The following GSK3A variants were observed in gnomAD, a reference collection of about 807,000 sequenced individuals.
The protein encoded by GSK3A is glycogen synthase kinase 3 alpha.
A neutral mutation model predicts 56.6 loss-of-function variants in GSK3A; 14 were observed. The ratio of observed to expected loss-of-function variants is 0.25; its 90% CI spans 0.16 to 0.39. The LOEUF (loss-of-function observed/expected upper bound fraction) is 0.39, where lower values mean the gene tolerates loss of function less well. GSK3A is among the 10% of genes least tolerant of loss of function. GSK3A has a pLI of 1.00. For missense variants in GSK3A, 450 were observed against 656.0 expected, an observed-to-expected ratio of 0.69 and a Z score of 3.43; for synonymous variants, 301 against 285.0, an observed-to-expected ratio of 1.06 and a Z score of -0.56.
chr19:42,242,437 C>G lies in GSK3A; in HGVS notation c.29G>C (p.Gly10Ala). ...CCGCGCCCTGCCCGAGCCCCCAGGG[C>G]CGCCTCCCGAAGGCCCGCCGCCGCT... MSGGGPSGG[G>A]PGGSGRARTS... The change falls in exon 1 of 11, where the codon GGC becomes GCC. Residue 10 changes from glycine (G) to alanine (A), a missense_variant. Gly to Ala is a moderately conservative substitution (Grantham distance 60). Coordinates refer to ENST00000222330, the MANE Select transcript of GSK3A (RefSeq NM_019884.3). 1 of 1,288,778 alleles carries G rather than the reference C, an allele frequency of 7.8e-7. No homozygotes were observed. The highest frequency in any genetic ancestry group is 9.8e-7 in the Non-Finnish European group (1 of 1,017,288). The allele number at this position is 1,288,778 out of a possible 1,614,324, so 79.8% of individuals were successfully genotyped here.
chr19:42,238,807 CAA>C (rs112368825), intron 2 of GSK3A, among the ~76,000 whole-genome samples: 1 of 139,014 alleles, frequency 7.2e-6, no homozygotes, highest in Non-Finnish European at 1.6e-5. Context: ...ACTAAAAATA[CAA>C]AAAAAAAAAA....
At chr19:42,235,857 G>A (rs11882606) in intron 4 of GSK3A, among the ~76,000 whole-genome samples, 3,218 of 152,242 alleles carry the variant, frequency 0.021, 114 homozygotes, top group African/African-American at 0.072. Context: ...GGACAGATTC[G>A]CCAAACCAGA....
chr19:42,238,961 T>G (rs1039043671), intron 2 of GSK3A, among the ~76,000 whole-genome samples: 1 of 150,326 alleles, frequency 6.7e-6, no homozygotes, highest in Non-Finnish European at 1.5e-5. Flanking sequence ...AGAGTAAGAC[T>G]CCATCTCAAA....
In GSK3A at chr19:42,232,135, G is replaced by T; in HGVS notation, c.1300C>A (p.Pro434Thr). The T allele has an allele frequency of 6.2e-7, 1 of 1,600,972 alleles. No individual in the cohort carries two copies. Reference protein sequence around the residue: ...NFSAGELSIQPSLNAILIPPH... With the variant: ...NFSAGELSIQTSLNAILIPPH... ...GGGATGAGAATGGCGTTGAGAGACGGTTGGATGGAGAGTTCTAGAAACAGG... is the reference window on the plus strand; with the variant it reads ...GGGATGAGAATGGCGTTGAGAGACGTTTGGATGGAGAGTTCTAGAAACAGG... Residue 434 changes from proline (P) to threonine (T), a missense_variant, in exon 10 of 11, where the codon CCG (proline) becomes ACG (threonine). By Grantham distance (38) the Pro-to-Thr change is conservative. Coordinates refer to ENST00000222330, the MANE Select transcript of GSK3A (RefSeq NM_019884.3).
At chr19:42,236,250 T>G (rs1471026075) in intron 4 of GSK3A, among the ~76,000 whole-genome samples, 1 of 152,140 alleles carries the variant, frequency 6.6e-6, no homozygotes, top group African/African-American at 2.4e-5. Flanking sequence ...AGGCCCGAAC[T>G]CTGGCCTCAG....
chr19:42,242,477 C>T lies in GSK3A; in HGVS notation c.-12G>A. 3.4e-6 allele frequency: 4 copies of T among 1,165,530 alleles called. No homozygotes were observed. The highest frequency in any genetic ancestry group is 4.2e-6 in the Non-Finnish European group (4 of 948,186). The allele number at this position is 1,165,530 out of a possible 1,614,324, so 72.2% of individuals were successfully genotyped here. ...CCGCCGCCGCTCATGGCGCCGAGCACAGGCCCAGGCTGCGGGGCTCGGGCT... is the reference window on the plus strand; with the variant it reads ...CCGCCGCCGCTCATGGCGCCGAGCATAGGCCCAGGCTGCGGGGCTCGGGCT... On this transcript the variant is annotated 5_prime_UTR_variant, in exon 1 of 11. It adds an upstream start codon to the 5' untranslated region. Coordinates refer to ENST00000222330, the MANE Select transcript of GSK3A (RefSeq NM_019884.3).
intron 4 of GSK3A, among the ~76,000 whole-genome samples, chr19:42,235,847 G>A (rs1282444885): frequency 1.3e-5 from 2 of 152,216 alleles, no homozygotes. Context: ...GGCAGCCACA[G>A]GACAGATTCG....
chr19:42,237,531 G>A lies in GSK3A; in HGVS notation c.472-590C>T, dbSNP rs140993414. ...TTTTTTTTCAACTTATTGCTGACAT[G>A]TAAAAGCCAAATGGCACCTTCTGAT... is the stretch of plus-strand genomic sequence containing the variant. On this transcript the variant is annotated intron_variant, in intron 2 of 10. Coordinates refer to ENST00000222330, the MANE Select transcript of GSK3A (RefSeq NM_019884.3). Among the ~76,000 whole-genome samples the A allele has an allele frequency of 2.0e-5, 3 of 151,758 alleles. No homozygotes were observed. The East Asian group carries it at 5.8e-4, about 30-fold the overall frequency.
intron 2 of GSK3A, 39 bp from the exon 3 acceptor site, chr19:42,236,980 C>T (rs778854039): frequency 1.5e-6 from 2 of 1,355,594 alleles, no homozygotes; most frequent in South Asian, 1.2e-5. Flanking sequence ...ACAACCAACT[C>T]TCTCGGCTGC....
rs1236479376 is a variant in GSK3A at position 42,242,493 on chromosome 19, G to A, written c.-28C>T. 1.3e-5 allele frequency: 14 copies of A among 1,117,850 alleles called. No homozygotes were observed. Among genetic ancestry groups the A allele is most frequent in the Non-Finnish European group, 1.4e-5 (13 of 918,488 alleles). 69.2% of individuals were successfully genotyped at this position (1,117,850 alleles called of 1,614,324 possible). On this transcript the variant is annotated 5_prime_UTR_variant, in exon 1 of 11. Transcript: ENST00000222330. ...CGCCGAGCACAGGCCCAGGCTGCGG[G>A]GCTCGGGCTGCCCGGGCTGCCCCAG... is the stretch of plus-strand genomic sequence containing the variant.
In GSK3A at chr19:42,234,451, T is replaced by G. The variant is rs760709783; in HGVS notation, c.806A>C (p.Gln269Pro). ...GACATTGGGCTCCCCTCGGACCAAC[T>G]GCTTTGCACTGTGGGAAGAGATGGG... ...LKLCDFGSAK[Q>P]LVRGEPNVSY... Residue 269 changes from glutamine to proline, a missense_variant, in exon 6 of 11, where the codon CAG becomes CCG. Gln to Pro is a moderately conservative substitution (Grantham distance 76, BLOSUM62 -1). Around this residue, in one of 3 missense-constraint regions of GSK3A, gnomAD observed 144 missense variants for 308.0 expected, o/e 0.47. Coordinates refer to ENST00000222330, the MANE Select transcript of GSK3A (RefSeq NM_019884.3). This position sits in a 1 kb window ranked among gnomAD's most constrained non-coding sequence, Gnocchi z 5.7. The G allele has an allele frequency of 1.2e-6, 2 of 1,614,118 alleles. No homozygotes were observed. The highest frequency in any genetic ancestry group is 1.7e-6 in the Non-Finnish European group (2 of 1,179,972).
Position 42,232,613 on chromosome 19 carries a change from A to G in GSK3A, c.1168T>C (p.Ser390Pro). The G allele has an allele frequency of 6.2e-7, 1 of 1,613,722 alleles. No homozygotes were observed. The highest frequency in any genetic ancestry group is 8.5e-7 in the Non-Finnish European group (1 of 1,179,762). Residue 390 changes from serine to proline, a missense_variant, in exon 9 of 11, where the codon TCA becomes CCA. This residue lies in a region of GSK3A where 113 missense variants were observed against 147.5 expected (regional missense o/e 0.77). Coordinates refer to ENST00000222330, the MANE Select transcript of GSK3A (RefSeq NM_019884.3). ...CAGGCCTCTAGTGGGGAGAGCCTTG[A>G]GGATGGGGTGTACTCCAGCAGGCTA... ...CSSLLEYTPS[S>P]RLSPLEACAH... is the part of the protein sequence containing the mutation.
chr19:42,232,775 T>C, intron 8 of GSK3A, 93 bp from the exon 9 acceptor site: 7 of 1,091,696 alleles, frequency 6.4e-6, no homozygotes, highest in Non-Finnish European at 9.1e-6. Flanking sequence ...CGGCAAGTTA[T>C]GACTGGTTGC....
chr19:42,241,812 T>C (rs1271271524), intron 1 of GSK3A: 1 of 180,014 alleles, frequency 5.6e-6, no homozygotes, highest in Non-Finnish European at 1.2e-5. Context: ...CTTATTCTTG[T>C]TCTCTTAGGA....
intron 1 of GSK3A, 69 bp from the exon 2 acceptor site, chr19:42,240,211 TGGGA>T (rs1359352573): frequency 3.5e-6 from 5 of 1,422,750 alleles, no homozygotes; most frequent in Non-Finnish European, 5.0e-6. Flanking sequence ...CCTGGGGCTG[TGGGA>T]GGAAGGGAAA....
Position 42,230,710 on chromosome 19 carries a change from G to T in GSK3A, c.*84C>A. On this transcript the variant is annotated 3_prime_UTR_variant, in exon 11 of 11. Transcript: ENST00000222330. ...CCTCTAGTCTAGGGGCCCAGCCAGG[G>T]CAGGAGCTTGATGGGCTATGGCCCC... 9.8e-7 allele frequency: 1 copy of T among 1,024,640 alleles called. No homozygotes were observed. Among genetic ancestry groups the T allele is most frequent in the Non-Finnish European group, 1.5e-6 (1 of 666,450 alleles). The allele number at this position is 1,024,640 out of a possible 1,614,324, so 63.5% of individuals were successfully genotyped here.
intron 4 of GSK3A, among the ~76,000 whole-genome samples, chr19:42,236,303 C>G (rs1428452681): frequency 6.6e-6 from 1 of 152,208 alleles, no homozygotes; most frequent in Non-Finnish European, 1.5e-5. Flanking sequence ...CCCCCTTATC[C>G]TGAGCTAACT....
chr19:42,236,698 T>C lies in GSK3A; in HGVS notation c.574A>G (p.Asn192Asp). The C allele has an allele frequency of 6.2e-7, 1 of 1,613,504 alleles. No homozygotes were observed. Among genetic ancestry groups the C allele is most frequent in the Non-Finnish European group, 8.5e-7 (1 of 1,179,628 alleles). Residue 192 changes from asparagine (N) to aspartate (D), a missense_variant, in exon 4 of 11, where the codon AAT (asparagine) becomes GAT (aspartate). Asn to Asp is a conservative substitution (Grantham distance 23). Coordinates refer to ENST00000222330, the MANE Select transcript of GSK3A (RefSeq NM_019884.3). ...TCGGGCACATATTCCAGCACCAGATTTAGGTAAAGCTCGTCTTTCTGCAGG... is the reference window on the plus strand; with the variant it reads ...TCGGGCACATATTCCAGCACCAGATCTAGGTAAAGCTCGTCTTTCTGCAGG... ...SGEKKDELYL[N>D]LVLEYVPETV...
At position 42,239,923 on chromosome 19, in the gene GSK3A, A is replaced by C. The variant is rs776591918; in HGVS notation, c.471+32T>G. The C allele has an allele frequency of 5.6e-6, 9 of 1,597,696 alleles. No individual in the cohort carries two copies. The African/African-American group carries it at 1.1e-4, about 19-fold the overall frequency. The stretch of plus-strand genomic sequence containing the variant: ...CTCCCACCAGTCACACCCAGTCCCC[A>C]AACCTCCCTGTCCCCATCCCGCCCA... On this transcript the variant is annotated intron_variant, in intron 2 of 10. Transcript: ENST00000222330.
Sources: allele counts gnomAD v4.1 joint callset (sites outside exome capture counted in the v4.1 genomes callset), GRCh38; gene constraint gnomAD v4.1.1; regional missense constraint gnomAD v4.1.1; non-coding constraint Gnocchi (gnomAD v3.1); transcripts MANE v1.5; gene names NCBI Gene and HGNC (gene_info 2026-07-23, HGNC 2026-07-21).